PXDNL: variants seen among roughly 807,000 people sequenced by gnomAD.
PXDNL encodes probable oxidoreductase PXDNL.
Under a neutral mutation model 150.8 loss-of-function variants are expected in PXDNL, and 145 were observed. The ratio of observed to expected loss-of-function variants is 0.96; its 90% CI spans 0.84 to 1.10. The LOEUF (loss-of-function observed/expected upper bound fraction) is 1.10, where lower values mean the gene tolerates loss of function less well. Among genes scored for constraint, PXDNL ranks in the 50% least tolerant of loss-of-function variants. The probability of loss-of-function intolerance (pLI) is 0.00; values close to 1 mark genes in which losing one functional copy is unlikely to be tolerated. For synonymous variants in PXDNL, 757 were observed against 725.7 expected (o/e 1.04, Z -0.69); for missense variants, 2,087 against 1,873.9 (o/e 1.11, Z -2.10).
intron 8 of PXDNL, among the ~76,000 whole-genome samples, chr8:51,461,212 T>A (rs1810071446): frequency 6.6e-6 from 1 of 152,150 alleles, no homozygotes; most frequent in Non-Finnish European, 1.5e-5. Context: ...TGACTAGAGA[T>A]TGAGCAGAGG....
chr8:51,510,235 C>T (rs544607151), intron 4 of PXDNL, among the ~76,000 whole-genome samples: 1 of 152,184 alleles, frequency 6.6e-6, no homozygotes, highest in South Asian at 2.1e-4. Context: ...ATTGCTAGAC[C>T]ATGGTCAAGT....
intron 1 of PXDNL, among the ~76,000 whole-genome samples, chr8:51,787,970 C>T (rs1270634720): frequency 6.6e-6 from 1 of 152,186 alleles, no homozygotes; most frequent in African/African-American, 2.4e-5. Context: ...AGACCCTCCA[C>T]CAGAAAAAAA....
At chr8:51,570,652 C>T (rs1026280632) in intron 3 of PXDNL, among the ~76,000 whole-genome samples, 2 of 151,912 alleles carry the variant, frequency 1.3e-5, no homozygotes, top group Non-Finnish European at 2.9e-5. Flanking sequence ...CCATGGGAAG[C>T]TGTCCCCTGT....
At chr8:51,493,949 A>C (rs11998376) in intron 5 of PXDNL, among the ~76,000 whole-genome samples, 33 of 150,044 alleles carry the variant, frequency 2.2e-4, no homozygotes, top group African/African-American at 8.2e-4. Context: ...GATACTCCTC[A>C]AGAAGAGTAA....
intron 20 of PXDNL, among the ~76,000 whole-genome samples, chr8:51,343,319 CT>C (rs1806044981): frequency 6.6e-6 from 1 of 152,152 alleles, no homozygotes; most frequent in Non-Finnish European, 1.5e-5. Context: ...GTCTAAACAA[CT>C]ATGGTACATT....
At chr8:51,652,255 T>G (rs1290593683) in intron 2 of PXDNL, among the ~76,000 whole-genome samples, 1 of 152,172 alleles carries the variant, frequency 6.6e-6, no homozygotes, top group Non-Finnish European at 1.5e-5. Flanking sequence ...GTGTCCTTAT[T>G]TCTTTTGCTT....
chr8:51,435,360 T>C (rs990597203), intron 12 of PXDNL, among the ~76,000 whole-genome samples: 11 of 34,614 alleles, frequency 3.2e-4, no homozygotes, highest in Non-Finnish European at 4.8e-4. Context: ...GTGTTTTTTG[T>C]TTGCTTGTTT....
intron 1 of PXDNL, among the ~76,000 whole-genome samples, chr8:51,737,778 G>T (rs570787461): frequency 1.7e-4 from 25 of 149,932 alleles, no homozygotes; most frequent in African/African-American, 5.7e-4. Context: ...ACTCCTTTCT[G>T]CCCATCTCTT....
intron 1 of PXDNL, among the ~76,000 whole-genome samples, chr8:51,780,431 G>A (rs2037399500): frequency 6.6e-6 from 1 of 152,036 alleles, no homozygotes; most frequent in African/African-American, 2.4e-5. Flanking sequence ...AAGAACCCCA[G>A]GTCAAGAAAC....
Position 51,408,043 on chromosome 8 carries a change from T to A in PXDNL, c.3557+24A>T. Reference sequence around the variant, plus strand: ...TTACCTCTCCTAAGAAATGTTTAAATCCAGGCAGCATTTGCATACTTACTT... The same window carrying A: ...TTACCTCTCCTAAGAAATGTTTAAAACCAGGCAGCATTTGCATACTTACTT... On this transcript the variant is annotated intron_variant, in intron 17 of 22. Transcript: ENST00000356297. 2.6e-6 allele frequency: 4 copies of A among 1,567,136 alleles called. No individual in the cohort carries two copies. In the African/African-American group the frequency reaches 4.1e-5, roughly 16 times the overall value.
chr8:51,691,636 A>C (rs73678961), intron 1 of PXDNL, among the ~76,000 whole-genome samples: 4,014 of 152,306 alleles, frequency 0.026, 195 homozygotes, highest in African/African-American at 0.091. Flanking sequence ...CTTCTAAGGA[A>C]GGTCATGAAA....
chr8:51,383,715 C>A (rs74329203), intron 17 of PXDNL, among the ~76,000 whole-genome samples: 1 of 152,000 alleles, frequency 6.6e-6, no homozygotes, highest in African/African-American at 2.4e-5. Context: ...AAAAGTGGTG[C>A]TTTTGTCGGT....
rs1051302159 is a variant in PXDNL, at chr8:51,809,388, G to A, written c.-44C>T. ...CCACGCGAAGAAGCAGCCGGAGGGAGAGCAGCAGCTGCAGCTGCAGCAGCA... is the reference window on the plus strand; with the variant it reads ...CCACGCGAAGAAGCAGCCGGAGGGAAAGCAGCAGCTGCAGCTGCAGCAGCA... On this transcript the variant is annotated 5_prime_UTR_variant, in exon 1 of 23. Transcript: ENST00000356297. 9.4e-6 allele frequency: 14 copies of A among 1,487,160 alleles called. No individual in the cohort carries two copies. Among genetic ancestry groups the A allele is most frequent in the Non-Finnish European group, 1.2e-5 (14 of 1,120,268 alleles). 92.1% of individuals were successfully genotyped at this position (1,487,160 alleles called of 1,614,324 possible). A position where few individuals can be genotyped will look rare whatever the true frequency, so the allele number is the denominator to read the frequency against.
intron 1 of PXDNL, among the ~76,000 whole-genome samples, chr8:51,756,541 AG>A (rs1437012400): frequency 2.0e-5 from 3 of 152,212 alleles, no homozygotes; most frequent in African/African-American, 7.2e-5. Context: ...TATAATGGTG[AG>A]AAAATAGTAT....
intron 17 of PXDNL, among the ~76,000 whole-genome samples, chr8:51,382,992 C>T (rs1172600278): frequency 6.6e-6 from 1 of 152,124 alleles, no homozygotes; most frequent in African/African-American, 2.4e-5. Context: ...TATTACTTTA[C>T]CATGGCTCAC....
chr8:51,633,403 G>A (rs1447185695), intron 2 of PXDNL, among the ~76,000 whole-genome samples: 1 of 152,074 alleles, frequency 6.6e-6, no homozygotes. Context: ...TTTCCTTTGG[G>A]TATATACCCT....
At chr8:51,383,370 C>A (rs138392908) in intron 17 of PXDNL, among the ~76,000 whole-genome samples, 4 of 152,144 alleles carry the variant, frequency 2.6e-5, no homozygotes, top group Non-Finnish European at 5.9e-5. Flanking sequence ...TACAAAGCGG[C>A]ATGGTTTTAT....
chr8:51,683,104 C>T (rs1362591345), intron 1 of PXDNL, among the ~76,000 whole-genome samples: 2 of 141,902 alleles, frequency 1.4e-5, no homozygotes, highest in Non-Finnish European at 3.0e-5. Flanking sequence ...TTTTGCATTC[C>T]TACCAACAGT....
At chr8:51,364,671 T>C (rs1806860775) in intron 19 of PXDNL, among the ~76,000 whole-genome samples, 1 of 152,224 alleles carries the variant, frequency 6.6e-6, no homozygotes, top group African/African-American at 2.4e-5. Context: ...GAAATGTTCA[T>C]GGTACATTTG....
Sources: gnomAD v4.1 joint callset for allele counts (sites outside exome capture counted in the v4.1 genomes callset) on GRCh38, gnomAD v4.1.1 for gene constraint, MANE v1.5 for transcripts, NCBI Gene and HGNC (gene_info 2026-07-23, HGNC 2026-07-21) for gene names.